PCDHGA4: variants seen among roughly 807,000 people sequenced by gnomAD.
PCDHGA4 encodes the protein protocadherin gamma-A4.
In PCDHGA4, 38 loss-of-function variants were observed where a neutral mutation model predicts 54.6. The ratio of observed to expected loss-of-function variants is 0.70; its 90% CI spans 0.54 to 0.91. PCDHGA4 has a LOEUF of 0.91. PCDHGA4 is among the 40% of genes least tolerant of loss of function. PCDHGA4 has a pLI of 0.00. For missense variants in PCDHGA4, 1,298 were observed against 1,220.9 expected (o/e 1.06, Z -0.94); for synonymous variants, 511 against 512.9 (o/e 1.00, Z 0.05).
At chr5:141,422,138 T>G (rs1201680879) in intron 1 of PCDHGA4, 1 of 1,587,640 alleles carries the variant, frequency 6.3e-7, no homozygotes, top group Admixed American at 1.9e-5. Context: ...GAAGTTCAAG[T>G]ACGGGGGTCT....
At chr5:141,502,024 C>G (rs2099812413) in intron 2 of PCDHGA4, among the ~76,000 whole-genome samples, 1 of 152,152 alleles carries the variant, frequency 6.6e-6, no homozygotes, top group African/African-American at 2.4e-5. Context: ...TCCCTGCAAC[C>G]CCCGCCGCTT....
At chr5:141,502,472 A>T (rs1450967250) in intron 2 of PCDHGA4, among the ~76,000 whole-genome samples, 1 of 150,886 alleles carries the variant, frequency 6.6e-6, no homozygotes, top group Non-Finnish European at 1.5e-5. Flanking sequence ...TACTTCCCGC[A>T]GCATCACACT....
chr5:141,409,125 AT>A, intron 1 of PCDHGA4: 1 of 1,613,982 alleles, frequency 6.2e-7, no homozygotes, highest in Non-Finnish European at 8.5e-7. Context: ...CAGTCATTTG[AT>A]TTTGAAGATG....
At chr5:141,443,169 T>C (rs946262743) in intron 1 of PCDHGA4, among the ~76,000 whole-genome samples, 2 of 152,170 alleles carry the variant, frequency 1.3e-5, no homozygotes, top group Non-Finnish European at 2.9e-5. Flanking sequence ...TCCCTACCCA[T>C]GTCCACTGCA....
rs766133958 is a variant in PCDHGA4, at chr5:141,403,000, A to G, written c.2514+45379A>G. 27 of 1,613,862 alleles carry G rather than the reference A, an allele frequency of 1.7e-5. No individual in the cohort carries two copies. Among genetic ancestry groups the G allele is most frequent in the Middle Eastern group, 1.6e-4 (1 of 6,082 alleles). ...AGCTCCGCGGAAGATTAGTCCTGCT[A>G]TGCTCGCTCCTGGGGATGCTATGGG... On this transcript the variant is annotated intron_variant, in intron 1 of 3. Transcript: ENST00000571252.
At chr5:141,497,077 G>A (rs191605427) in intron 2 of PCDHGA4, among the ~76,000 whole-genome samples, 4 of 151,990 alleles carry the variant, frequency 2.6e-5, no homozygotes, top group East Asian at 3.9e-4. Flanking sequence ...TAATCCCAGC[G>A]ACTTAGGAGG....
intron 1 of PCDHGA4, chr5:141,360,602 C>G: frequency 1.2e-6 from 2 of 1,613,964 alleles, no homozygotes; most frequent in Non-Finnish European, 1.7e-6. Flanking sequence ...CCACTTGACC[C>G]AGCCCTGGAT....
intron 1 of PCDHGA4, chr5:141,412,979 C>A: frequency 1.8e-6 from 1 of 542,930 alleles, no homozygotes; most frequent in Non-Finnish European, 3.2e-6. Flanking sequence ...AAAACGCAGC[C>A]AGAGCTCAAT....
At chr5:141,388,710 G>T in intron 1 of PCDHGA4, 1 of 1,613,966 alleles carries the variant, frequency 6.2e-7, no homozygotes, top group Non-Finnish European at 8.5e-7. Context: ...TGTCAATGCC[G>T]AGATTACTTT....
chr5:141,393,263 A>G, intron 1 of PCDHGA4: 2 of 1,613,926 alleles, frequency 1.2e-6, no homozygotes, highest in Non-Finnish European at 1.7e-6. Context: ...TTCCTGGAGC[A>G]CGTTATCCAC....
At chr5:141,403,039 T>A (rs989723883) in intron 1 of PCDHGA4, 64 of 1,614,050 alleles carry the variant, frequency 4.0e-5, no homozygotes, top group Non-Finnish European at 5.4e-5. Context: ...CCAGGGCCAG[T>A]CAGATTCGCT....
At chr5:141,478,042 G>A (rs1358652557) in intron 1 of PCDHGA4, 18 of 1,614,152 alleles carry the variant, frequency 1.1e-5, no homozygotes, top group Non-Finnish European at 1.5e-5. Flanking sequence ...CACCCAGGCA[G>A]ACTCTCACGG....
intron 1 of PCDHGA4, chr5:141,383,004 G>C: frequency 6.2e-7 from 1 of 1,613,698 alleles, no homozygotes; most frequent in Non-Finnish European, 8.5e-7. Flanking sequence ...TCTACTCCGT[G>C]TCGGAGGAGA....
chr5:141,445,584 G>A lies in PCDHGA4; in HGVS notation c.2515-49223G>A, dbSNP rs540956709. ...AGAAAGCTTATAGTAGGGAAGCTTC[G>A]CCTAATCTGAAGGTCAAGGAAGGCT... On this transcript the variant is annotated intron_variant, in intron 1 of 3. Transcript: ENST00000571252. Among the ~76,000 whole-genome samples, 116 of 152,286 alleles carry A rather than the reference G, an allele frequency of 7.6e-4. 2 individuals are homozygous for A. Among genetic ancestry groups the A allele is most frequent in the Non-Finnish European group, 2.4e-4 (16 of 68,024 alleles).
intron 1 of PCDHGA4, chr5:141,394,857 G>A: frequency 6.2e-7 from 1 of 1,613,832 alleles, no homozygotes; most frequent in Non-Finnish European, 8.5e-7. Context: ...GAAGCCTTCG[G>A]TCGACCCGAA....
In PCDHGA4 at chr5:141,364,376, C is replaced by T. The variant is rs574883395; in HGVS notation, c.2514+6755C>T. 8.9e-6 allele frequency: 14 copies of T among 1,575,320 alleles called. No individual in the cohort carries two copies. The African/African-American group carries it at 1.4e-4, about 15-fold the overall frequency. ...CTGGGGCTGCGGAGAGCTGCTGCTG[C>T]CCTTCATGCTCCTGGGGACGCTGTG... On this transcript the variant is annotated intron_variant, in intron 1 of 3. Transcript: ENST00000571252.
At chr5:141,399,822 C>G (rs755182775) in intron 1 of PCDHGA4, 6 of 1,613,084 alleles carry the variant, frequency 3.7e-6, no homozygotes, top group East Asian at 2.2e-5. Context: ...CGCTGGGTCC[C>G]GACGGCTCTG....
chr5:141,422,969 G>C (rs1269760845), intron 1 of PCDHGA4: 2 of 1,614,202 alleles, frequency 1.2e-6, no homozygotes, highest in South Asian at 2.2e-5. Flanking sequence ...CTGGCGCCCC[G>C]CTCTGCGGAA....
intron 1 of PCDHGA4, among the ~76,000 whole-genome samples, chr5:141,471,706 A>G (rs2099262749): frequency 6.6e-6 from 1 of 152,212 alleles, no homozygotes; most frequent in African/African-American, 2.4e-5. Context: ...CTGGAATAGA[A>G]GTGCCACTTA....
Sources: gnomAD v4.1 joint callset for allele counts (sites outside exome capture counted in the v4.1 genomes callset) on GRCh38, gnomAD v4.1.1 for gene constraint, MANE v1.5 for transcripts, NCBI Gene and HGNC (gene_info 2026-07-23, HGNC 2026-07-21) for gene names.